SASH1: variants seen among roughly 807,000 people sequenced by gnomAD.
The protein encoded by SASH1 is SAM and SH3 domain containing 1.
Under a neutral mutation model 125.2 loss-of-function variants are expected in SASH1, and 44 were observed. The ratio of observed to expected loss-of-function variants is 0.35; its 90% CI spans 0.28 to 0.45. The LOEUF (loss-of-function observed/expected upper bound fraction) is 0.45, where lower values mean the gene tolerates loss of function less well. Ranked by LOEUF, SASH1 falls within the 20% of genes least tolerant of loss-of-function variation. SASH1 has a pLI of 1.00. For missense variants in SASH1, 1,426 were observed against 1,614.5 expected (o/e 0.88, Z 2.00); for synonymous variants, 639 against 649.1 (o/e 0.98, Z 0.24).
chr6:148,298,796 AAAAAGAGAAAG>A (rs1779849748), intron 1 of SASH1, among the ~76,000 whole-genome samples: 1 of 114,084 alleles, frequency 8.8e-6, no homozygotes, highest in Non-Finnish European at 1.8e-5. Flanking sequence ...AGAAAGAAAG[AAAAAGAGAAAG>A]AAAAAAGAGA....
intron 1 of SASH1, among the ~76,000 whole-genome samples, chr6:148,358,978 G>A (rs572340890): frequency 3.4e-4 from 52 of 151,718 alleles, no homozygotes; most frequent in African/African-American, 1.2e-3. Flanking sequence ...CTTGTGATCC[G>A]CCTGCCTTGG....
At chr6:148,348,830 A>G (rs1230253301) in intron 1 of SASH1, among the ~76,000 whole-genome samples, 1 of 152,226 alleles carries the variant, frequency 6.6e-6, no homozygotes, top group Non-Finnish European at 1.5e-5. Flanking sequence ...CTTGAATTCT[A>G]CAAAAGGTTA....
At position 148,495,443 on chromosome 6, in the gene SASH1, A is replaced by AATTTT. The variant is rs1041800888; in HGVS notation, c.729+7744_729+7748dup. ...GACTATTCTTGCTGTGTTTATTTTG[A>AATTTT]ATTTTATTTTATTTTATTTTTTACT... On this transcript the variant is annotated intron_variant, in intron 8 of 19. Coordinates refer to ENST00000367467, the MANE Select transcript of SASH1 (RefSeq NM_015278.5). The surrounding 1 kb of genome is among the most constrained non-coding windows in gnomAD (Gnocchi z 4.0). Among the ~76,000 whole-genome samples, 2 of 152,052 alleles carry AATTTT rather than the reference A, an allele frequency of 1.3e-5. No homozygotes were observed. Among genetic ancestry groups the AATTTT allele is most frequent in the Admixed American group, 6.6e-5 (1 of 15,254 alleles).
intron 1 of SASH1, among the ~76,000 whole-genome samples, chr6:148,318,774 AT>A (rs1780551635): frequency 6.6e-6 from 1 of 151,862 alleles, no homozygotes; most frequent in Non-Finnish European, 1.5e-5. Context: ...GATGGTCTCG[AT>A]CTCTTGACCT....
chr6:148,279,024 G>A lies in SASH1; in HGVS notation n.74+6647G>A, dbSNP rs530851977. Among the ~76,000 whole-genome samples, 22 of 150,946 alleles carry A rather than the reference G, an allele frequency of 1.5e-4. 1 individual carries two copies. Among genetic ancestry groups the A allele is most frequent in the Admixed American group, 8.6e-4 (13 of 15,106 alleles). On this transcript the variant is annotated intron_variant and non_coding_transcript_variant, in intron 1 of 3. Coordinates refer to the SASH1 transcript ENST00000367469. ...TTTTTTTTAATAGAGGCAGAGTCTC[G>A]CTCTGTTGCCCAGGCTGAGTGCAGT...
chr6:148,231,141 G>A, the SASH1 span, among the ~76,000 whole-genome samples: 1 of 152,192 alleles, frequency 6.6e-6, no homozygotes, highest in Non-Finnish European at 1.5e-5. Flanking sequence ...TCCACCCGGA[G>A]TTAACTTTTC....
At chr6:148,203,251 A>C in the SASH1 span, among the ~76,000 whole-genome samples, 1 of 152,172 alleles carries the variant, frequency 6.6e-6, no homozygotes, top group Non-Finnish European at 1.5e-5. Context: ...TGGCATTATA[A>C]TTCCCAGGCC....
intron 2 of SASH1, among the ~76,000 whole-genome samples, chr6:148,412,000 C>T (rs1020168691): frequency 2.0e-5 from 3 of 152,166 alleles, no homozygotes; most frequent in Admixed American, 6.5e-5. Context: ...TACTGAATCT[C>T]CGTTTTGATA....
chr6:148,217,641 C>A, the SASH1 span, among the ~76,000 whole-genome samples: 1 of 152,032 alleles, frequency 6.6e-6, no homozygotes, highest in Non-Finnish European at 1.5e-5. Flanking sequence ...ACAGCCAGGG[C>A]AGTCTAAACT....
chr6:148,514,212 C>G, intron 8 of SASH1, 112 bp from the exon 9 acceptor site: 1 of 1,484,832 alleles, frequency 6.7e-7, no homozygotes, highest in African/African-American at 1.4e-5. Flanking sequence ...TTCCCAAGTT[C>G]AGCAACAGAG....
intron 2 of SASH1, among the ~76,000 whole-genome samples, chr6:148,420,954 G>A (rs1308173539): frequency 5.9e-5 from 9 of 151,808 alleles, no homozygotes; most frequent in African/African-American, 1.9e-4. Flanking sequence ...GTGTTGGCGC[G>A]TGCCTGTAAT....
At chr6:148,364,093 C>A (rs527819509) in intron 1 of SASH1, among the ~76,000 whole-genome samples, 2 of 152,128 alleles carry the variant, frequency 1.3e-5, no homozygotes, top group Non-Finnish European at 2.9e-5. Context: ...ATCGGCAGCC[C>A]ATCCTGTTGG....
rs765701026 is a variant in SASH1 at position 148,461,131 on chromosome 6, G to A, written c.387-7414G>A. Among the ~76,000 whole-genome samples, 15 of 152,102 alleles carry A rather than the reference G, an allele frequency of 9.9e-5. No individual in the cohort carries two copies. In the South Asian group the frequency reaches 1.7e-3, roughly 17 times the overall value. ...TGATCCTCTTAACAGTCCATTAAGG[G>A]GTACTGTTTTTATCATCACAACTGC... On this transcript the variant is annotated intron_variant, in intron 4 of 19. Transcript: ENST00000367467.
intron 4 of SASH1, among the ~76,000 whole-genome samples, chr6:148,446,801 C>T (rs1737667): frequency 0.79 from 120,588 of 152,188 alleles, 47,917 homozygotes; most frequent in South Asian, 0.89. Flanking sequence ...TGATTCCCAT[C>T]TACAAATGCA....
At chr6:148,305,942 AATG>A (rs1211757844) in intron 1 of SASH1, among the ~76,000 whole-genome samples, 1 of 152,226 alleles carries the variant, frequency 6.6e-6, no homozygotes, top group African/African-American at 2.4e-5. Context: ...GGCACAAAGA[AATG>A]ATGAGTGCTT....
At chr6:148,220,935 C>T in the SASH1 span, among the ~76,000 whole-genome samples, 383 of 152,180 alleles carry the variant, frequency 2.5e-3, 2 homozygotes, top group African/African-American at 9.0e-3. Context: ...TAAAATGTGA[C>T]CAATAGACCC....
chr6:148,474,808 G>A (rs1392618004), intron 7 of SASH1, among the ~76,000 whole-genome samples: 1 of 152,138 alleles, frequency 6.6e-6, no homozygotes, highest in Non-Finnish European at 1.5e-5. Context: ...GTGGGCTCAA[G>A]TGATCCTCTC....
intron 1 of SASH1, among the ~76,000 whole-genome samples, chr6:148,346,340 C>T (rs1238107267): frequency 6.6e-6 from 1 of 152,062 alleles, no homozygotes; most frequent in Admixed American, 6.6e-5. Flanking sequence ...CAAATAGTTG[C>T]TTTCAGATAA....
At position 148,548,319 on chromosome 6, in the gene SASH1, A is replaced by G. The variant is rs1295566785; in HGVS notation, c.3505A>G (p.Ile1169Val). ...MAIPSGGLTEICRKPVSPGCI... is the reference protein window; with the variant it reads ...MAIPSGGLTEVCRKPVSPGCI... ...GATTCCAAGTGGTGGACTCACGGAAATCTGCCGAAAGCCCGTCTCTCCTGG... is the reference window on the plus strand; with the variant it reads ...GATTCCAAGTGGTGGACTCACGGAAGTCTGCCGAAAGCCCGTCTCTCCTGG... Residue 1169 changes from isoleucine (I) to valine (V), a missense_variant, in exon 20 of 20, where the codon ATC (isoleucine) becomes GTC (valine). Physicochemically the swap from Ile to Val is conservative, Grantham distance 29 (BLOSUM62 3). Around this residue, in one of 3 missense-constraint regions of SASH1, gnomAD observed 634 missense variants for 694.4 expected, o/e 0.91. Transcript: ENST00000367467. 1 of 1,613,000 alleles carries G rather than the reference A, an allele frequency of 6.2e-7. No homozygotes were observed. Among genetic ancestry groups the G allele is most frequent in the African/African-American group, 1.3e-5 (1 of 74,892 alleles).
Sources: gnomAD v4.1 joint callset for allele counts (sites outside exome capture counted in the v4.1 genomes callset) on GRCh38, gnomAD v4.1.1 for gene constraint, gnomAD v4.1.1 regional missense constraint, Gnocchi (gnomAD v3.1) non-coding constraint, MANE v1.5 for transcripts, NCBI Gene and HGNC (gene_info 2026-07-23, HGNC 2026-07-21) for gene names.